Variants in GRM7 observed in about 807,000 individuals in gnomAD.
The protein encoded by GRM7 is glutamate metabotropic receptor 7.
In GRM7, 35 loss-of-function variants were observed where a neutral mutation model predicts 84.5. The observed-to-expected ratio is 0.41, with a 90% CI of 0.32 to 0.55. GRM7 has a LOEUF of 0.55. Among genes scored for constraint, GRM7 ranks in the 20% least tolerant of loss-of-function variants. GRM7 has a pLI of 0.19. For missense variants in GRM7, 1,003 were observed against 1,194.6 expected, an observed-to-expected ratio of 0.84 and a Z score of 2.36; for synonymous variants, 487 against 455.1, an observed-to-expected ratio of 1.07 and a Z score of -0.89.
chr3:7,216,748 G>A (rs967875141), intron 2 of GRM7, among the ~76,000 whole-genome samples: 2 of 140,496 alleles, frequency 1.4e-5, no homozygotes, highest in African/African-American at 5.3e-5. Context: ...TCTGAAGCCT[G>A]TTTAAGGTTT....
intron 1 of GRM7, among the ~76,000 whole-genome samples, chr3:7,067,989 G>A (rs951192698): frequency 2.0e-5 from 3 of 151,904 alleles, no homozygotes; most frequent in Admixed American, 6.6e-5. Context: ...CAACTATTCA[G>A]AACAACTGCC....
At chr3:6,931,705 A>C (rs977102882) in intron 1 of GRM7, among the ~76,000 whole-genome samples, 5 of 152,100 alleles carry the variant, frequency 3.3e-5, no homozygotes, top group African/African-American at 1.2e-4. Context: ...TTATTCCTTG[A>C]TATGTTTATT....
chr3:7,101,161 T>G (rs941647426), intron 1 of GRM7, among the ~76,000 whole-genome samples: 3 of 151,764 alleles, frequency 2.0e-5, no homozygotes, highest in Non-Finnish European at 4.4e-5. Context: ...ATGTTTAACT[T>G]TATTAAAAAC....
At chr3:7,621,907 G>A (rs372627403) in intron 8 of GRM7, among the ~76,000 whole-genome samples, 51 of 152,124 alleles carry the variant, frequency 3.4e-4, no homozygotes, top group African/African-American at 1.2e-3. Context: ...TGATAGATTG[G>A]ATTGAGATAC....
Position 7,554,038 on chromosome 3 carries a change from G to A in GRM7, c.1516-24384G>A, listed in dbSNP as rs112015271. Among the ~76,000 whole-genome samples the A allele has an allele frequency of 6.1e-3, 929 of 152,230 alleles. 9 individuals are homozygous for A. Among genetic ancestry groups the A allele is most frequent in the African/African-American group, 0.021 (854 of 41,524 alleles). On this transcript the variant is annotated intron_variant, in intron 7 of 9. Transcript: ENST00000357716. ...AAAGGGTCTCATGTCTCAGTGCAGC[G>A]TTCTAGTGCCCCACCCTCTGTGCAA...
intron 7 of GRM7, among the ~76,000 whole-genome samples, chr3:7,517,796 C>T (rs1700447612): frequency 1.3e-5 from 2 of 152,204 alleles, no homozygotes; most frequent in South Asian, 4.1e-4. Flanking sequence ...CATAATGATT[C>T]AATACATCTG....
At chr3:7,589,331 AGG>A (rs1695670188) in intron 8 of GRM7, among the ~76,000 whole-genome samples, 1 of 152,214 alleles carries the variant, frequency 6.6e-6, no homozygotes, top group Non-Finnish European at 1.5e-5. Flanking sequence ...CCATAAACTG[AGG>A]TTCAACTTAA....
At position 7,151,302 on chromosome 3, in the gene GRM7, G is replaced by T. The variant is rs1390863792; in HGVS notation, c.736+4634G>T. On this transcript the variant is annotated intron_variant, in intron 2 of 9. Transcript: ENST00000357716. This position sits in a 1 kb window ranked among gnomAD's most constrained non-coding sequence, Gnocchi z 4.5. ...TGCACCTGTAATCCCAGCTACTGGCGAGGCTGAGGCGGGAGAACTGCTTGA... is the reference window on the plus strand; with the variant it reads ...TGCACCTGTAATCCCAGCTACTGGCTAGGCTGAGGCGGGAGAACTGCTTGA... 6.6e-6 allele frequency among the ~76,000 whole-genome samples: 1 copy of T among 152,056 alleles called. No individual in the cohort carries two copies. The highest frequency in any genetic ancestry group is 1.5e-5 in the Non-Finnish European group (1 of 68,032).
intron 2 of GRM7, among the ~76,000 whole-genome samples, chr3:7,286,911 G>T (rs925380251): frequency 2.0e-5 from 3 of 152,020 alleles, no homozygotes; most frequent in African/African-American, 7.2e-5. Context: ...CAAATCCTGT[G>T]GCAAAAATAA....
chr3:7,298,929 C>A, intron 3 of GRM7, 104 bp downstream of exon 3: 1 of 1,057,106 alleles, frequency 9.5e-7, no homozygotes, highest in Non-Finnish European at 1.4e-6. Context: ...AAGATCAAAG[C>A]TGTAATCATA....
chr3:7,717,957 C>T (rs540399402), intron 9 of GRM7, among the ~76,000 whole-genome samples: 2 of 152,356 alleles, frequency 1.3e-5, no homozygotes, highest in Admixed American at 1.3e-4. Flanking sequence ...CTTCACCCTT[C>T]TGCCTTACAA....
intron 1 of GRM7, among the ~76,000 whole-genome samples, chr3:6,988,293 T>A (rs572540276): frequency 6.7e-6 from 1 of 149,710 alleles, no homozygotes; most frequent in African/African-American, 2.5e-5. Flanking sequence ...ACAGGCGTGA[T>A]CCACTGCGCC....
chr3:7,645,354 C>T (rs1002083452), intron 8 of GRM7, among the ~76,000 whole-genome samples: 5 of 151,822 alleles, frequency 3.3e-5, no homozygotes, highest in South Asian at 2.1e-4. Context: ...TGAGACCATC[C>T]TGGCCAACAT....
intron 4 of GRM7, among the ~76,000 whole-genome samples, chr3:7,327,920 A>G (rs1559238586): frequency 6.6e-6 from 1 of 152,248 alleles, no homozygotes; most frequent in Non-Finnish European, 1.5e-5. Context: ...TAAGTCCTAC[A>G]GAAAACTTAT....
At chr3:6,896,100 AT>A (rs1301161403) in intron 1 of GRM7, among the ~76,000 whole-genome samples, 1 of 152,264 alleles carries the variant, frequency 6.6e-6, no homozygotes, top group East Asian at 1.9e-4. Flanking sequence ...TTAATGGGCC[AT>A]TTTTTCTTCA....
At chr3:6,953,298 T>C (rs900282581) in intron 1 of GRM7, among the ~76,000 whole-genome samples, 3 of 152,194 alleles carry the variant, frequency 2.0e-5, no homozygotes, top group Non-Finnish European at 4.4e-5. Context: ...TAAACCCAGA[T>C]ATGATACTCA....
At chr3:7,020,082 C>G (rs577200333) in intron 1 of GRM7, among the ~76,000 whole-genome samples, 1 of 152,240 alleles carries the variant, frequency 6.6e-6, no homozygotes, top group South Asian at 2.1e-4. Flanking sequence ...CTCTTGACCT[C>G]GTGATTTGCC....
intron 2 of GRM7, among the ~76,000 whole-genome samples, chr3:7,173,993 T>A (rs1350315966): frequency 6.6e-6 from 1 of 152,200 alleles, no homozygotes; most frequent in Admixed American, 6.5e-5. Flanking sequence ...ATGGTCAAAT[T>A]GCTGAATTTC....
intron 2 of GRM7, among the ~76,000 whole-genome samples, chr3:7,193,634 C>T (rs1695787103): frequency 6.6e-6 from 1 of 151,946 alleles, no homozygotes; most frequent in Non-Finnish European, 1.5e-5. Flanking sequence ...TCATGATATA[C>T]TCATTCATGG....
Sources: allele counts gnomAD v4.1 joint callset (sites outside exome capture counted in the v4.1 genomes callset), GRCh38; gene constraint gnomAD v4.1.1; non-coding constraint Gnocchi (gnomAD v3.1); transcripts MANE v1.5; gene names NCBI Gene and HGNC (gene_info 2026-07-23, HGNC 2026-07-21).